Variants in METTL15 observed in about 807,000 individuals in gnomAD.
METTL15 encodes methyltransferase 15, mitochondrial 12S rRNA N4-cytidine.
Under a neutral mutation model 38.3 loss-of-function variants are expected in METTL15, and 34 were observed. That is an observed-to-expected ratio of 0.89 (90% CI 0.68 to 1.18). The LOEUF (loss-of-function observed/expected upper bound fraction) is 1.18, where lower values mean the gene tolerates loss of function less well. METTL15 is among the 50% of genes most tolerant of loss of function. METTL15 has a pLI of 0.00. For missense variants in METTL15, 438 were observed against 498.4 expected, an observed-to-expected ratio of 0.88 and a Z score of 1.15; for synonymous variants, 162 against 170.9, an observed-to-expected ratio of 0.95 and a Z score of 0.41.
chr11:28,309,024 ATAGATGG>A (rs1857181720), intron 6 of METTL15, among the ~76,000 whole-genome samples: 1 of 152,168 alleles, frequency 6.6e-6, no homozygotes, highest in Non-Finnish European at 1.5e-5. Context: ...AGATACATAG[ATAGATGG>A]CTCTGGCTCA....
At chr11:28,326,526 C>T (rs925631763) in intron 6 of METTL15, among the ~76,000 whole-genome samples, 5 of 151,940 alleles carry the variant, frequency 3.3e-5, no homozygotes, top group Admixed American at 6.6e-5. Flanking sequence ...CATTGCCAGT[C>T]GATGTTTTGT....
intron 5 of METTL15, among the ~76,000 whole-genome samples, chr11:28,381,302 G>C (rs546253279): frequency 6.6e-6 from 1 of 152,182 alleles, no homozygotes; most frequent in South Asian, 2.1e-4. Flanking sequence ...TTCAGTCCTT[G>C]TCTTTGACAT....
chr11:28,511,499 TA>T (rs1303810496), intron 6 of METTL15, among the ~76,000 whole-genome samples: 1 of 152,178 alleles, frequency 6.6e-6, no homozygotes, highest in African/African-American at 2.4e-5. Context: ...TTACAGTTCT[TA>T]AAGGTGGCGT....
chr11:28,407,255 G>A (rs2133409245), intron 5 of METTL15, among the ~76,000 whole-genome samples: 1 of 152,220 alleles, frequency 6.6e-6, no homozygotes, highest in East Asian at 1.9e-4. Flanking sequence ...ACATAGGCAT[G>A]GGCAGATATG....
intron 6 of METTL15, among the ~76,000 whole-genome samples, chr11:28,504,536 T>C (rs1368110653): frequency 6.6e-6 from 1 of 152,156 alleles, no homozygotes; most frequent in Non-Finnish European, 1.5e-5. Context: ...AAAAAATATA[T>C]GGGCTAAATA....
intron 4 of METTL15, among the ~76,000 whole-genome samples, chr11:28,233,783 C>G (rs1176967999): frequency 1.3e-5 from 2 of 151,660 alleles, no homozygotes; most frequent in Non-Finnish European, 2.9e-5. Flanking sequence ...GTTTTGAATT[C>G]CTCTGACTCC....
At chr11:28,353,761 TAA>T (rs1850062588) in intron 4 of METTL15, among the ~76,000 whole-genome samples, 1 of 150,866 alleles carries the variant, frequency 6.6e-6, no homozygotes, top group African/African-American at 2.4e-5. Context: ...CCGTCTCTAC[TAA>T]AAATACAAAA....
chr11:28,363,885 A>G (rs2133369974), intron 5 of METTL15, among the ~76,000 whole-genome samples: 1 of 152,302 alleles, frequency 6.6e-6, no homozygotes, highest in Middle Eastern at 3.4e-3. Flanking sequence ...GTCCAGTTTT[A>G]TTCTTCTGCA....
At chr11:28,188,184 A>G (rs538720072) in intron 3 of METTL15, among the ~76,000 whole-genome samples, 2 of 151,482 alleles carry the variant, frequency 1.3e-5, no homozygotes, top group African/African-American at 4.8e-5. Context: ...TTTGGGACAT[A>G]TCATAGTTGA....
In METTL15 at chr11:28,280,342, G is replaced by A. The variant is rs375470897; in HGVS notation, c.408-9864G>A. Reference sequence around the variant, plus strand: ...GGAAATTTGATTGTTAGCAATTTTTGTCTTCTGGCTTCCCTTATTTTAGTT... The same window carrying A: ...GGAAATTTGATTGTTAGCAATTTTTATCTTCTGGCTTCCCTTATTTTAGTT... On this transcript the variant is annotated intron_variant, in intron 4 of 6. Transcript: ENST00000407364. 9.2e-5 allele frequency among the ~76,000 whole-genome samples: 14 copies of A among 152,102 alleles called. No homozygotes were observed. In the East Asian group the frequency reaches 2.5e-3, roughly 27 times the overall value.
At chr11:28,471,550 A>G (rs1029508454) in intron 6 of METTL15, among the ~76,000 whole-genome samples, 7 of 152,052 alleles carry the variant, frequency 4.6e-5, no homozygotes, top group Non-Finnish European at 8.8e-5. Flanking sequence ...TATGCTTCCA[A>G]TTGTAGCCCT....
intron 4 of METTL15, among the ~76,000 whole-genome samples, chr11:28,223,319 G>A (rs1022987008): frequency 1.3e-5 from 2 of 151,982 alleles, no homozygotes; most frequent in African/African-American, 4.8e-5. Context: ...AAAATTCAGA[G>A]TTATATATAA....
chr11:28,233,587 T>G (rs1266948276), intron 4 of METTL15, among the ~76,000 whole-genome samples: 3 of 151,998 alleles, frequency 2.0e-5, no homozygotes, highest in Non-Finnish European at 2.9e-5. Flanking sequence ...TTCCTTATGG[T>G]GAGTGAGGTA....
chr11:28,243,355 T>A (rs1351507656), intron 4 of METTL15, among the ~76,000 whole-genome samples: 1 of 152,174 alleles, frequency 6.6e-6, no homozygotes, highest in Admixed American at 6.5e-5. Flanking sequence ...TCATGCAGTG[T>A]AATATTTGGT....
chr11:28,524,306 T>C (rs1050145193), intron 6 of METTL15, among the ~76,000 whole-genome samples: 2 of 152,222 alleles, frequency 1.3e-5, no homozygotes. Flanking sequence ...ACAGATTAGA[T>C]TAAAGGTATG....
At chr11:28,238,718 A>G (rs566621793) in intron 4 of METTL15, among the ~76,000 whole-genome samples, 1 of 152,180 alleles carries the variant, frequency 6.6e-6, no homozygotes, top group Non-Finnish European at 1.5e-5. Flanking sequence ...TGGGAGCTAT[A>G]GACCGGAGCT....
chr11:28,349,565 T>C (rs1850024753), intron 3 of METTL15, among the ~76,000 whole-genome samples: 1 of 152,248 alleles, frequency 6.6e-6, no homozygotes. Context: ...GAGTAGTATC[T>C]AGAATTTAAT....
chr11:28,145,544 C>G (rs1208528724), intron 3 of METTL15: 1 of 152,000 alleles, frequency 6.6e-6, no homozygotes, highest in Non-Finnish European at 1.5e-5. Flanking sequence ...CTGTGGAACA[C>G]CTCGTCTTGT....
At chr11:28,222,184 G>C (rs932618960) in intron 4 of METTL15, among the ~76,000 whole-genome samples, 43 of 152,340 alleles carry the variant, frequency 2.8e-4, no homozygotes, top group African/African-American at 9.9e-4. Context: ...GCCTCCTTGA[G>C]CTGCGGTGGG....
Sources: allele counts gnomAD v4.1 joint callset (sites outside exome capture counted in the v4.1 genomes callset), GRCh38; gene constraint gnomAD v4.1.1; transcripts MANE v1.5; gene names NCBI Gene and HGNC (gene_info 2026-07-23, HGNC 2026-07-21).